The following AUTS2 variants were observed in gnomAD, a reference collection of about 807,000 sequenced individuals.
The protein encoded by AUTS2 is autism susceptibility gene 2 protein.
AUTS2 carries 17 observed loss-of-function variants against 112.4 expected under a neutral mutation model. That is an observed-to-expected ratio of 0.15 (90% CI 0.10 to 0.23). The LOEUF is 0.23. Ranked by LOEUF, AUTS2 falls within the 10% of genes least tolerant of loss-of-function variation. The probability of loss-of-function intolerance (pLI) is 1.00; values close to 1 mark genes in which losing one functional copy is unlikely to be tolerated. For synonymous variants in AUTS2, 751 were observed against 702.7 expected (o/e 1.07, Z -1.09); for missense variants, 1,510 against 1,701.6 (o/e 0.89, Z 1.98).
At chr7:69,792,505 C>G (rs941745457) in intron 1 of AUTS2, among the ~76,000 whole-genome samples, 2 of 152,152 alleles carry the variant, frequency 1.3e-5, no homozygotes, top group African/African-American at 4.8e-5. Context: ...TCCCAAAGTG[C>G]TGGGATTACA....
intron 4 of AUTS2, among the ~76,000 whole-genome samples, chr7:70,311,358 G>T (rs370548267): frequency 6.6e-6 from 1 of 152,046 alleles, no homozygotes; most frequent in Non-Finnish European, 1.5e-5. Context: ...TAATAATGTC[G>T]TGTCCCCTTT....
At chr7:69,931,769 T>A (rs1243101839) in intron 2 of AUTS2, among the ~76,000 whole-genome samples, 1 of 152,184 alleles carries the variant, frequency 6.6e-6, no homozygotes, top group Admixed American at 6.5e-5. Context: ...ATAATAAAGG[T>A]CAGATTTTAT....
At chr7:69,880,950 G>A (rs1390519056) in intron 1 of AUTS2, among the ~76,000 whole-genome samples, 1 of 152,184 alleles carries the variant, frequency 6.6e-6, no homozygotes, top group African/African-American at 2.4e-5. Flanking sequence ...TTCAGCAGCT[G>A]TTTCCCTCAG....
At chr7:70,605,108 C>T (rs1450995265) in intron 5 of AUTS2, among the ~76,000 whole-genome samples, 1 of 151,956 alleles carries the variant, frequency 6.6e-6, no homozygotes, top group African/African-American at 2.4e-5. Context: ...CTCTATGAGT[C>T]TTCATTTTCA....
chr7:70,578,478 G>A (rs567082726), intron 5 of AUTS2, among the ~76,000 whole-genome samples: 11 of 152,286 alleles, frequency 7.2e-5, no homozygotes, highest in East Asian at 3.9e-4. Context: ...TAGAAATCAC[G>A]TCTTTATTCT....
chr7:69,658,130 CTCAT>C (rs1422556695), intron 1 of AUTS2, among the ~76,000 whole-genome samples: 9 of 152,250 alleles, frequency 5.9e-5, no homozygotes, highest in African/African-American at 1.9e-4. Flanking sequence ...TACAGCCATG[CTCAT>C]TCATTTACGT....
At chr7:70,149,904 CAAACAT>C (rs1241795931) in intron 4 of AUTS2, among the ~76,000 whole-genome samples, 5 of 151,712 alleles carry the variant, frequency 3.3e-5, no homozygotes, top group Admixed American at 2.6e-4. Context: ...AAAATAAAGA[CAAACAT>C]AAACATAAAA....
At chr7:70,083,347 T>A (rs539303567) in intron 2 of AUTS2, among the ~76,000 whole-genome samples, 1 of 152,292 alleles carries the variant, frequency 6.6e-6, no homozygotes, top group Admixed American at 6.5e-5. Flanking sequence ...TTTGCAGGGA[T>A]AAGGCAGCGA....
At chr7:70,221,592 G>A (rs1260481047) in intron 4 of AUTS2, among the ~76,000 whole-genome samples, 1 of 152,126 alleles carries the variant, frequency 6.6e-6, no homozygotes, top group Non-Finnish European at 1.5e-5. Flanking sequence ...CAGAGAAATG[G>A]AATCATACAG....
At chr7:69,720,726 A>G (rs1414973637) in intron 1 of AUTS2, among the ~76,000 whole-genome samples, 1 of 152,190 alleles carries the variant, frequency 6.6e-6, no homozygotes, top group Non-Finnish European at 1.5e-5. Flanking sequence ...ATTGCTTTTT[A>G]GGGAGGAAAT....
chr7:70,757,389 A>G (rs983338214), intron 6 of AUTS2, among the ~76,000 whole-genome samples: 1 of 152,134 alleles, frequency 6.6e-6, no homozygotes, highest in Non-Finnish European at 1.5e-5. Context: ...TTTTCCAGCT[A>G]GGTAATTATA....
At chr7:70,203,344 T>TA (rs1229996091) in intron 4 of AUTS2, among the ~76,000 whole-genome samples, 75,505 of 110,526 alleles carry the variant, frequency 0.68, 25,537 homozygotes, top group East Asian at 0.78. Flanking sequence ...TAGAGTATAA[T>TA]AAAAAAAAAA....
In AUTS2 at chr7:69,876,349, A is replaced by ATAT. The variant is rs1247359824; in HGVS notation, c.310-22937_310-22936insTAT. Reference sequence around the variant, plus strand: ...TCAAAAAAAAAAAAAAAAAAAAAAAAATATATATATATATATATATATATA... The same window carrying ATAT: ...TCAAAAAAAAAAAAAAAAAAAAAAAATATATATATATATATATATATATATATA... On this transcript the variant is annotated intron_variant, in intron 1 of 18. Transcript: ENST00000342771. Among the ~76,000 whole-genome samples the ATAT allele has an allele frequency of 8.1e-4, 24 of 29,478 alleles. 1 individual carries two copies. Among genetic ancestry groups the ATAT allele is most frequent in the Admixed American group, 1.3e-3 (2 of 1,544 alleles). The allele number at this position is 29,478 out of a possible 152,430, so 19.3% of individuals were successfully genotyped here. A position where few individuals can be genotyped will look rare whatever the true frequency, so the allele number is the denominator to read the frequency against.
chr7:70,278,359 G>T (rs181038667), intron 4 of AUTS2, among the ~76,000 whole-genome samples: 26 of 152,074 alleles, frequency 1.7e-4, no homozygotes, highest in Non-Finnish European at 3.7e-4. Flanking sequence ...CAGGAGGATC[G>T]CTTGATTGAG....
intron 5 of AUTS2, among the ~76,000 whole-genome samples, chr7:70,598,451 C>T (rs911635675): frequency 6.6e-6 from 1 of 152,116 alleles, no homozygotes; most frequent in East Asian, 1.9e-4. Context: ...AGCCTTGTAA[C>T]GTTCAAAAAT....
At chr7:70,551,707 A>G (rs1585291155) in intron 5 of AUTS2, among the ~76,000 whole-genome samples, 1 of 152,196 alleles carries the variant, frequency 6.6e-6, no homozygotes, top group Admixed American at 6.5e-5. Context: ...TAAACTATGG[A>G]CTGAAGTTAG....
chr7:70,321,111 T>C (rs547371779), intron 4 of AUTS2, among the ~76,000 whole-genome samples: 4 of 152,306 alleles, frequency 2.6e-5, no homozygotes, highest in Admixed American at 2.6e-4. Flanking sequence ...TGTTTAATCT[T>C]CCCAATTTTG....
At chr7:70,755,760 C>T (rs1219694239) in intron 6 of AUTS2, among the ~76,000 whole-genome samples, 1 of 151,828 alleles carries the variant, frequency 6.6e-6, no homozygotes, top group Admixed American at 6.6e-5. Flanking sequence ...GTGTATTGTC[C>T]GCGAAAAGAG....
chr7:69,853,691 C>G (rs886645037), intron 1 of AUTS2, among the ~76,000 whole-genome samples: 2 of 152,092 alleles, frequency 1.3e-5, no homozygotes, highest in Non-Finnish European at 2.9e-5. Flanking sequence ...CCTAGCAGTT[C>G]TGCCTGTTCT....
Sources: gnomAD v4.1 joint callset for allele counts (sites outside exome capture counted in the v4.1 genomes callset) on GRCh38, gnomAD v4.1.1 for gene constraint, MANE v1.5 for transcripts, NCBI Gene and HGNC (gene_info 2026-07-23, HGNC 2026-07-21) for gene names.